Variants in FHIT observed in about 807,000 individuals in gnomAD.
FHIT encodes the protein fragile histidine triad diadenosine triphosphatase, also known as bis(5'-adenosyl)-triphosphatase.
In FHIT, 19 loss-of-function variants were observed where a neutral mutation model predicts 17.9. The ratio of observed to expected loss-of-function variants is 1.06; its 90% CI spans 0.74 to 1.56. The LOEUF (loss-of-function observed/expected upper bound fraction) is 1.56. FHIT is among the 40% of genes most tolerant of loss of function. The probability of loss-of-function intolerance (pLI) is 0.00; values close to 1 mark genes in which losing one functional copy is unlikely to be tolerated. For missense variants in FHIT, 248 were observed against 189.2 expected, an observed-to-expected ratio of 1.31 and a Z score of -1.82; for synonymous variants, 81 against 69.7, an observed-to-expected ratio of 1.16 and a Z score of -0.81.
intron 7 of FHIT, among the ~76,000 whole-genome samples, chr3:59,959,238 T>A (rs1216824749): frequency 6.6e-6 from 1 of 152,158 alleles, no homozygotes; most frequent in Non-Finnish European, 1.5e-5. Flanking sequence ...TCCTCTCCAG[T>A]TCTTTGATGC....
intron 5 of FHIT, among the ~76,000 whole-genome samples, chr3:60,097,528 C>A (rs1298225398): frequency 6.6e-6 from 1 of 152,082 alleles, no homozygotes; most frequent in African/African-American, 2.4e-5. Flanking sequence ...ACCTTCACAA[C>A]CTCTGAGACA....
chr3:60,130,779 TGTGTG>T (rs6147839), intron 5 of FHIT, among the ~76,000 whole-genome samples: 2,255 of 6,564 alleles, frequency 0.34, 114 homozygotes, highest in East Asian at 0.55. Flanking sequence ...TGTGTGTGTG[TGTGTG>T]GTGTGTATAT....
At chr3:61,189,443 C>T (rs1189790521) in intron 2 of FHIT, among the ~76,000 whole-genome samples, 1 of 152,152 alleles carries the variant, frequency 6.6e-6, no homozygotes, top group Non-Finnish European at 1.5e-5. Flanking sequence ...AGGATACAAA[C>T]AAATGGAAGA....
intron 5 of FHIT, among the ~76,000 whole-genome samples, chr3:60,438,140 C>T (rs992831056): frequency 2.0e-5 from 3 of 152,002 alleles, no homozygotes; most frequent in African/African-American, 7.2e-5. Context: ...GCATTTGCAC[C>T]GTAGTCCAGC....
chr3:61,146,313 A>G (rs1165268876), intron 2 of FHIT, among the ~76,000 whole-genome samples: 2 of 152,070 alleles, frequency 1.3e-5, no homozygotes, highest in African/African-American at 4.8e-5. Context: ...GGGCTCTGGC[A>G]ATCACTGTCT....
chr3:60,251,711 T>C (rs1705720636), intron 5 of FHIT, among the ~76,000 whole-genome samples: 1 of 152,176 alleles, frequency 6.6e-6, no homozygotes, highest in African/African-American at 2.4e-5. Flanking sequence ...CTTATCCTTG[T>C]CCAGCGTGTG....
intron 7 of FHIT, among the ~76,000 whole-genome samples, chr3:59,963,038 G>A (rs911153766): frequency 2.6e-5 from 4 of 152,242 alleles, no homozygotes; most frequent in Admixed American, 1.3e-4. Flanking sequence ...GGCAGATCAC[G>A]AGGTCAGGAG....
chr3:60,623,915 T>G (rs1246653485), intron 4 of FHIT, among the ~76,000 whole-genome samples: 2 of 152,198 alleles, frequency 1.3e-5, no homozygotes, highest in African/African-American at 4.8e-5. Flanking sequence ...GGATCTCCTA[T>G]GCATCAGGCA....
intron 3 of FHIT, among the ~76,000 whole-genome samples, chr3:60,967,846 A>C (rs1709821776): frequency 6.6e-6 from 1 of 152,192 alleles, no homozygotes; most frequent in Admixed American, 6.5e-5. Context: ...CTACAAATTG[A>C]CTACTGATAT....
intron 3 of FHIT, among the ~76,000 whole-genome samples, chr3:60,954,758 G>A (rs1553778235): frequency 6.6e-6 from 1 of 152,170 alleles, no homozygotes; most frequent in East Asian, 1.9e-4. Context: ...GATGATCATA[G>A]AAGGGGAGGC....
chr3:60,127,443 C>G (rs772226915), intron 5 of FHIT, among the ~76,000 whole-genome samples: 8 of 152,080 alleles, frequency 5.3e-5, no homozygotes, highest in Non-Finnish European at 1.0e-4. Context: ...TTCCACCCAG[C>G]CCTGGAAATG....
At chr3:61,065,746 C>T (rs1421734576) in intron 2 of FHIT, among the ~76,000 whole-genome samples, 1 of 148,944 alleles carries the variant, frequency 6.7e-6, no homozygotes, top group East Asian at 1.9e-4. Flanking sequence ...TCACTACCTC[C>T]CACCTCAAAA....
At chr3:60,661,294 C>T (rs1001771713) in intron 4 of FHIT, among the ~76,000 whole-genome samples, 7 of 152,160 alleles carry the variant, frequency 4.6e-5, no homozygotes, top group African/African-American at 7.2e-5. Context: ...TGAGTGAGAA[C>T]ATAGAATATT....
chr3:60,157,946 G>C lies in FHIT; in HGVS notation c.104-143794C>G, dbSNP rs137880390. ...AATGGTGATGAGATGGCTGCATGTA[G>C]CAATTGGTGCTCTTTGCTTCCTTGT... is the stretch of plus-strand genomic sequence containing the variant. On this transcript the variant is annotated intron_variant, in intron 5 of 9. Transcript: ENST00000492590. Among the ~76,000 whole-genome samples the C allele has an allele frequency of 8.5e-5, 13 of 152,242 alleles. No homozygotes were observed. In the East Asian group the frequency reaches 1.5e-3, roughly 18 times the overall value.
chr3:60,938,949 A>G (rs1708301988), intron 3 of FHIT, among the ~76,000 whole-genome samples: 1 of 152,208 alleles, frequency 6.6e-6, no homozygotes, highest in African/African-American at 2.4e-5. Flanking sequence ...GGAAAAGGGT[A>G]AAAGTTATTC....
At chr3:60,178,887 T>A (rs963252390) in intron 5 of FHIT, among the ~76,000 whole-genome samples, 2 of 152,186 alleles carry the variant, frequency 1.3e-5, no homozygotes, top group Non-Finnish European at 2.9e-5. Context: ...TTGCCCTCTG[T>A]ATTCTCCTAA....
At chr3:60,374,971 G>C (rs1700485891) in intron 5 of FHIT, among the ~76,000 whole-genome samples, 1 of 151,954 alleles carries the variant, frequency 6.6e-6, no homozygotes, top group Non-Finnish European at 1.5e-5. Flanking sequence ...TTGAGTCAGG[G>C]AAGGTTTCTG....
intron 5 of FHIT, among the ~76,000 whole-genome samples, chr3:60,156,784 G>A (rs1454567211): frequency 6.6e-6 from 1 of 152,056 alleles, no homozygotes; most frequent in Non-Finnish European, 1.5e-5. Flanking sequence ...AATGTTTGAG[G>A]ATTTTATTTC....
intron 4 of FHIT, among the ~76,000 whole-genome samples, chr3:60,621,305 C>A (rs1425917285): frequency 1.3e-5 from 2 of 151,802 alleles, no homozygotes; most frequent in Admixed American, 1.3e-4. Flanking sequence ...CCCACGACTA[C>A]GCCTAGCTAC....
Sources: allele counts gnomAD v4.1 joint callset (sites outside exome capture counted in the v4.1 genomes callset), GRCh38; gene constraint gnomAD v4.1.1; transcripts MANE v1.5; gene names NCBI Gene and HGNC (gene_info 2026-07-23, HGNC 2026-07-21).